EPB41L3: variants seen among roughly 807,000 people sequenced by gnomAD.
EPB41L3 encodes erythrocyte membrane protein band 4.1 like 3, also known as band 4.1-like protein 3.
Under a neutral mutation model 127.1 loss-of-function variants are expected in EPB41L3, and 57 were observed. The ratio of observed to expected loss-of-function variants is 0.45; its 90% confidence interval spans 0.36 to 0.56. EPB41L3 has a LOEUF of 0.56. Ranked by LOEUF, EPB41L3 falls within the 20% of genes least tolerant of loss-of-function variation. The probability of loss-of-function intolerance (pLI) is 0.00; values close to 1 mark genes in which losing one functional copy is unlikely to be tolerated. For synonymous variants in EPB41L3, 572 were observed against 549.5 expected (o/e 1.04, Z -0.57); for missense variants, 1,273 against 1,372.2 (o/e 0.93, Z 1.14).
chr18:5,613,331 A>G (rs1230123220), intron 2 of EPB41L3, among the ~76,000 whole-genome samples: 2 of 152,248 alleles, frequency 1.3e-5, no homozygotes, highest in Non-Finnish European at 2.9e-5. Context: ...AGCCGTGTCA[A>G]TTCAGAGTGA....
intron 16 of EPB41L3, among the ~76,000 whole-genome samples, chr18:5,402,113 A>G (rs1003376571): frequency 2.6e-5 from 4 of 151,670 alleles, no homozygotes; most frequent in Middle Eastern, 3.2e-3. Context: ...AGATTTTGAT[A>G]GTATCATTCT....
At chr18:5,398,566 G>T in intron 16 of EPB41L3, 1 of 403,798 alleles carries the variant, frequency 2.5e-6, no homozygotes, top group Non-Finnish European at 4.4e-6. Flanking sequence ...AAGAGAAACG[G>T]AAAGGTTTGG....
intron 4 of EPB41L3, 142 bp from the exon 5 acceptor site, chr18:5,444,022 T>A: frequency 1.5e-6 from 1 of 658,300 alleles, no homozygotes; most frequent in Non-Finnish European, 2.6e-6. Context: ...TTCCCCCACA[T>A]CTGGTGCCCC....
At chr18:5,408,560 C>A (rs1261530491) in intron 14 of EPB41L3, among the ~76,000 whole-genome samples, 2 of 151,966 alleles carry the variant, frequency 1.3e-5, no homozygotes, top group Non-Finnish European at 2.9e-5. Context: ...CAGGAGTGAG[C>A]CACCACGCCC....
chr18:5,420,104 G>A, intron 11 of EPB41L3: 1 of 812,466 alleles, frequency 1.2e-6, no homozygotes, highest in Middle Eastern at 3.7e-4. Flanking sequence ...TGACCTTCCT[G>A]TATTTCCTAT....
At position 5,433,981 on chromosome 18, in the gene EPB41L3, T is replaced by C; in HGVS notation, c.746A>G (p.Tyr249Cys). 6.2e-7 allele frequency: 1 copy of C among 1,614,166 alleles called. No homozygotes were observed. The highest frequency in any genetic ancestry group is 8.5e-7 in the Non-Finnish European group (1 of 1,180,042). Residue 249 changes from tyrosine to cysteine, a missense_variant, in exon 7 of 23, where the codon TAC becomes TGC. Tyr to Cys is a radical substitution (Grantham distance 194). Around this residue, in one of 3 missense-constraint regions of EPB41L3, gnomAD observed 326 missense variants for 440.2 expected, o/e 0.74. Coordinates refer to ENST00000341928, the MANE Select transcript of EPB41L3 (RefSeq NM_012307.5). ...TGGTGCAAAGCGGAACTCACTAATG[T>C]AATCGCTCCCACATTCATCTGGGTC... ...DYDPDECGSD[Y>C]ISEFRFAPNH...
chr18:5,441,462 AT>A (rs201943060), intron 5 of EPB41L3, among the ~76,000 whole-genome samples: 2,496 of 139,636 alleles, frequency 0.018, 22 homozygotes, highest in South Asian at 0.082. Context: ...TCGAATTCCA[AT>A]TTTTTTTTTT....
chr18:5,445,377 A>G (rs2081326538), intron 3 of EPB41L3, 133 bp from the exon 4 acceptor site: 1 of 698,806 alleles, frequency 1.4e-6, no homozygotes, highest in Non-Finnish European at 2.4e-6. Flanking sequence ...GTGTGATCAC[A>G]TTGCCATCTC....
rs1222516072 is a variant in EPB41L3, at chr18:5,448,478, A to C, written c.382-3234T>G. Among the ~76,000 whole-genome samples, 9 of 152,264 alleles carry C rather than the reference A, an allele frequency of 5.9e-5. No homozygotes were observed. The East Asian group carries it at 1.5e-3, about 26-fold the overall frequency. ...TTACCATATATGACTAAATCTCAAC[A>C]ATCAATCAGACTGGAAATTTTGGAG... On this transcript the variant is annotated intron_variant, in intron 3 of 22. Transcript: ENST00000341928.
chr18:5,499,839 A>G (rs904222038), intron 1 of EPB41L3, among the ~76,000 whole-genome samples: 2 of 149,390 alleles, frequency 1.3e-5, no homozygotes, highest in Non-Finnish European at 3.0e-5. Flanking sequence ...GTATATATAT[A>G]TATATATATG....
chr18:5,452,525 C>T (rs1207642046), intron 3 of EPB41L3, among the ~76,000 whole-genome samples: 1 of 152,030 alleles, frequency 6.6e-6, no homozygotes, highest in Non-Finnish European at 1.5e-5. Context: ...AGCATCATTT[C>T]CGGCAAATCT....
chr18:5,396,700 T>A (rs373564225), intron 18 of EPB41L3, among the ~76,000 whole-genome samples: 15 of 152,212 alleles, frequency 9.9e-5, no homozygotes, highest in Admixed American at 5.9e-4. Flanking sequence ...TAAACATGGT[T>A]TTGGTGCTTC....
At chr18:5,588,273 T>C (rs925652009) in intron 3 of EPB41L3, among the ~76,000 whole-genome samples, 20 of 152,056 alleles carry the variant, frequency 1.3e-4, no homozygotes, top group African/African-American at 4.1e-4. Flanking sequence ...ATCCTGAAGA[T>C]AGAACTCAAA....
intron 3 of EPB41L3, among the ~76,000 whole-genome samples, chr18:5,589,034 TAGAG>T (rs1393496002): frequency 6.6e-6 from 1 of 152,124 alleles, no homozygotes; most frequent in Non-Finnish European, 1.5e-5. Context: ...ACATTGCACT[TAGAG>T]GGATGTAGGC....
At chr18:5,586,359 CT>C (rs2094441452) in intron 3 of EPB41L3, among the ~76,000 whole-genome samples, 1 of 150,818 alleles carries the variant, frequency 6.6e-6, no homozygotes. Context: ...TAAATGATTT[CT>C]TTTAAAGCAA....
Position 5,489,185 on chromosome 18 carries a change from G to A in EPB41L3, c.-2C>T, listed in dbSNP as rs1051938860. 6 of 1,592,620 alleles carry A rather than the reference G, an allele frequency of 3.8e-6. No homozygotes were observed. Among genetic ancestry groups the A allele is most frequent in the Non-Finnish European group, 5.1e-6 (6 of 1,173,894 alleles). Reference sequence around the variant, plus strand: ...GTCTGATCCAGATTCGGTCGTCATGGTTGATTGTTCTGCAAGCAGAAAAAA... The same window carrying A: ...GTCTGATCCAGATTCGGTCGTCATGATTGATTGTTCTGCAAGCAGAAAAAA... On this transcript the variant is annotated 5_prime_UTR_variant, in exon 2 of 23. Coordinates refer to ENST00000341928, the MANE Select transcript of EPB41L3 (RefSeq NM_012307.5).
chr18:5,498,799 T>A (rs1466004146), intron 1 of EPB41L3, among the ~76,000 whole-genome samples: 1 of 152,038 alleles, frequency 6.6e-6, no homozygotes, highest in Non-Finnish European at 1.5e-5. Flanking sequence ...GCGAATAAAC[T>A]AAATATAGCA....
chr18:5,431,183 AG>A (rs1175704669), intron 8 of EPB41L3: 3 of 152,220 alleles, frequency 2.0e-5, no homozygotes. Context: ...GAAAAAACAA[AG>A]CATTTGGGTT....
chr18:5,468,525 G>A (rs2085436482), intron 3 of EPB41L3, among the ~76,000 whole-genome samples: 1 of 152,142 alleles, frequency 6.6e-6, no homozygotes, highest in East Asian at 1.9e-4. Flanking sequence ...ACCTGCTAGG[G>A]GACAGGAGCT....
Sources: gnomAD v4.1 joint callset for allele counts (sites outside exome capture counted in the v4.1 genomes callset) on GRCh38, gnomAD v4.1.1 for gene constraint, gnomAD v4.1.1 regional missense constraint, MANE v1.5 for transcripts, NCBI Gene and HGNC (gene_info 2026-07-23, HGNC 2026-07-21) for gene names.